Variants in ATRN observed in about 807,000 individuals in gnomAD.
ATRN encodes the protein attractin, also known as attractin-2.
ATRN carries 54 observed loss-of-function variants against 178.7 expected under a neutral mutation model. That is an observed-to-expected ratio of 0.30 (90% confidence interval 0.24 to 0.38). The LOEUF (loss-of-function observed/expected upper bound fraction) is 0.38. ATRN is among the 10% of genes least tolerant of loss of function. ATRN has a pLI of 1.00. For synonymous variants in ATRN, 636 were observed against 663.0 expected (o/e 0.96, Z 0.63); for missense variants, 1,443 against 1,815.1 (o/e 0.79, Z 3.73).
chr20:3,581,418 G>A (rs1274263848), intron 15 of ATRN, among the ~76,000 whole-genome samples: 2 of 152,150 alleles, frequency 1.3e-5, no homozygotes, highest in African/African-American at 4.8e-5. Flanking sequence ...ACTGTCCCAG[G>A]TGTCACTGTC....
At chr20:3,472,259 C>T (rs574348698) in intron 1 of ATRN, among the ~76,000 whole-genome samples, 1 of 152,174 alleles carries the variant, frequency 6.6e-6, no homozygotes, top group Non-Finnish European at 1.5e-5. Flanking sequence ...TTATTTGCTT[C>T]AGTTGTGCAA....
In ATRN at chr20:3,601,881, A is replaced by G. The variant is rs573220149; in HGVS notation, c.3643+857A>G. 1.9e-3 allele frequency among the ~76,000 whole-genome samples: 284 copies of G among 151,722 alleles called. 1 individual carries two copies. Among genetic ancestry groups the G allele is most frequent in the African/African-American group, 6.5e-3 (271 of 41,396 alleles). ...TCCCATCTCTTTAAAAAAAAAAAAA[A>G]AAAAAGAAAAAAGGATAATCACTAC... On this transcript the variant is annotated intron_variant, in intron 23 of 28. Coordinates refer to ENST00000262919, the MANE Select transcript of ATRN (RefSeq NM_139321.3).
rs1410816968 is a variant in ATRN, at chr20:3,572,711, C to G, written c.1872-20C>G. ...TATCTGAGTCTCTAGTAAATTTCTTCTCTCCCTTTTTCCTCTTAGCACCAT... is the reference window on the plus strand; with the variant it reads ...TATCTGAGTCTCTAGTAAATTTCTTGTCTCCCTTTTTCCTCTTAGCACCAT... On this transcript the variant is annotated intron_variant, in intron 11 of 28. Coordinates refer to ENST00000262919, the MANE Select transcript of ATRN (RefSeq NM_139321.3). 6.3e-7 allele frequency: 1 copy of G among 1,587,972 alleles called. No homozygotes were observed. The highest frequency in any genetic ancestry group is 1.7e-5 in the Admixed American group (1 of 58,332).
chr20:3,538,547 C>T (rs1208785996), intron 2 of ATRN, among the ~76,000 whole-genome samples: 1 of 152,166 alleles, frequency 6.6e-6, no homozygotes, highest in Non-Finnish European at 1.5e-5. Flanking sequence ...CCCTCCTCCA[C>T]TGTTTTTCTG....
chr20:3,540,756 A>G (rs962535256), intron 3 of ATRN, among the ~76,000 whole-genome samples: 3 of 152,166 alleles, frequency 2.0e-5, no homozygotes, highest in Non-Finnish European at 4.4e-5. Context: ...TATTTGTTGA[A>G]TTCAAATATA....
intron 1 of ATRN, among the ~76,000 whole-genome samples, chr20:3,529,114 T>C (rs1390201564): frequency 6.6e-6 from 1 of 152,130 alleles, no homozygotes; most frequent in African/African-American, 2.4e-5. Context: ...GTGCCCAGCC[T>C]CTGAAAATCT....
At position 3,529,395 on chromosome 20, in the gene ATRN, G is replaced by T. The variant is rs150198322; in HGVS notation, c.411-5858G>T. Reference sequence around the variant, plus strand: ...TACCTGTCCACAGAAAGATTTATACGTGTCTTAACTTCATTTATAAAAGCC... The same window carrying T: ...TACCTGTCCACAGAAAGATTTATACTTGTCTTAACTTCATTTATAAAAGCC... On this transcript the variant is annotated intron_variant, in intron 1 of 28. Coordinates refer to ENST00000262919, the MANE Select transcript of ATRN (RefSeq NM_139321.3). Among the ~76,000 whole-genome samples the T allele has an allele frequency of 2.3e-3, 345 of 152,220 alleles. 2 individuals are homozygous for T. The highest frequency in any genetic ancestry group is 7.7e-3 in the African/African-American group (320 of 41,540).
chr20:3,487,378 G>A (rs1568682456), intron 1 of ATRN, among the ~76,000 whole-genome samples: 1 of 152,044 alleles, frequency 6.6e-6, no homozygotes, highest in Non-Finnish European at 1.5e-5. Context: ...GATTACAGAT[G>A]CGTGCCACCA....
intron 24 of ATRN, chr20:3,615,887 C>T (rs1437420469): frequency 2.2e-6 from 1 of 449,344 alleles, no homozygotes; most frequent in East Asian, 7.1e-5. Context: ...ACACCAGGGC[C>T]TGTTGTGGGG....
At chr20:3,605,465 T>C (rs2086664648) in intron 24 of ATRN, among the ~76,000 whole-genome samples, 1 of 152,212 alleles carries the variant, frequency 6.6e-6, no homozygotes, top group Admixed American at 6.5e-5. Context: ...TGTATGTTCA[T>C]TGCAGCACTA....
rs995780732 is a variant in ATRN, at chr20:3,632,571, CA to C, written c.3864-1738del. Among the ~76,000 whole-genome samples the C allele has an allele frequency of 2.0e-5, 3 of 152,194 alleles. No individual in the cohort carries two copies. Among genetic ancestry groups the C allele is most frequent in the Non-Finnish European group, 2.9e-5 (2 of 68,036 alleles). ...CATGAGCCACCTCCCATACCTTCTC[CA>C]AGTCTTTGTTCAAATGTCACCTTCT... On this transcript the variant is annotated intron_variant, in intron 25 of 28. Coordinates refer to ENST00000262919, the MANE Select transcript of ATRN (RefSeq NM_139321.3). This position sits in a 1 kb window ranked among gnomAD's most constrained non-coding sequence, Gnocchi z 4.2.
chr20:3,644,378 GCCTGC>G, intron 28 of ATRN, 110 bp downstream of exon 28: 1 of 864,206 alleles, frequency 1.2e-6, no homozygotes, highest in Non-Finnish European at 1.8e-6. Flanking sequence ...AACCAACAGT[GCCTGC>G]CCATGCCATG....
intron 24 of ATRN, among the ~76,000 whole-genome samples, chr20:3,615,428 T>G (rs751160281): frequency 2.8e-5 from 4 of 142,638 alleles, no homozygotes; most frequent in Admixed American, 1.4e-4. Flanking sequence ...GACTCCTGTC[T>G]CCAAAAAAAA....
In ATRN at chr20:3,547,323, G is replaced by T. The variant is rs780140690; in HGVS notation, c.777G>T (p.Glu259Asp). 1 of 1,614,136 alleles carries T rather than the reference G, an allele frequency of 6.2e-7. No homozygotes were observed. The highest frequency in any genetic ancestry group is 8.5e-7 in the Non-Finnish European group (1 of 1,180,000). The change falls in exon 5 of 29, where the codon GAG becomes GAT. Residue 259 changes from glutamate (E) to aspartate (D), a missense_variant. By Grantham distance (45) the Glu-to-Asp change is conservative. Transcript: ENST00000262919. ...MCPNNCSGRG[E>D]CKISNSSDTV... ...CAAATAACTGCTCAGGCCGAGGAGA[G>T]TGTAAGATCAGTAATAGCAGCGATA...
At chr20:3,592,482 T>C (rs1182135700) in intron 19 of ATRN, 1 of 984,688 alleles carries the variant, frequency 1.0e-6, no homozygotes. Flanking sequence ...TAGGACATTT[T>C]ATTATGAGAA....
intron 12 of ATRN, among the ~76,000 whole-genome samples, chr20:3,574,603 G>A (rs1212226803): frequency 6.6e-6 from 1 of 152,230 alleles, no homozygotes; most frequent in Non-Finnish European, 1.5e-5. Flanking sequence ...CCAGAACTTA[G>A]CAGGGTTAGC....
At chr20:3,569,300 G>A (rs916608781) in intron 11 of ATRN, among the ~76,000 whole-genome samples, 1 of 152,080 alleles carries the variant, frequency 6.6e-6, no homozygotes, top group African/African-American at 2.4e-5. Context: ...AGGCTATATG[G>A]TATGGCTTGT....
At chr20:3,485,839 C>T (rs1363608055) in intron 1 of ATRN, among the ~76,000 whole-genome samples, 2 of 151,906 alleles carry the variant, frequency 1.3e-5, no homozygotes, top group Non-Finnish European at 2.9e-5. Context: ...TCAGGCTGGT[C>T]TCAAACTCCT....
intron 25 of ATRN, among the ~76,000 whole-genome samples, chr20:3,625,174 G>T (rs1411839907): frequency 6.6e-6 from 1 of 152,060 alleles, no homozygotes; most frequent in Non-Finnish European, 1.5e-5. Flanking sequence ...AAATTGTTTT[G>T]TTTTTTACTT....
Sources: gnomAD v4.1 joint callset for allele counts (sites outside exome capture counted in the v4.1 genomes callset) on GRCh38, gnomAD v4.1.1 for gene constraint, Gnocchi (gnomAD v3.1) non-coding constraint, MANE v1.5 for transcripts, NCBI Gene and HGNC (gene_info 2026-07-23, HGNC 2026-07-21) for gene names.